KSR1: variants seen among roughly 807,000 people sequenced by gnomAD.
KSR1 encodes kinase suppressor of ras 1, also known as kinase suppressor of ras.
KSR1 carries 35 observed loss-of-function variants against 92.9 expected under a neutral mutation model. The ratio of observed to expected loss-of-function variants is 0.38; its 90% CI spans 0.29 to 0.50. The LOEUF (loss-of-function observed/expected upper bound fraction) is 0.50. KSR1 is among the 20% of genes least tolerant of loss of function. The pLI is 0.94. For missense variants in KSR1, 972 were observed against 1,158.5 expected (o/e 0.84, Z 2.34); for synonymous variants, 467 against 472.6 (o/e 0.99, Z 0.15).
At chr17:27,535,006 T>A (rs965563925) in intron 1 of KSR1, among the ~76,000 whole-genome samples, 1 of 152,226 alleles carries the variant, frequency 6.6e-6, no homozygotes, top group Admixed American at 6.5e-5. Flanking sequence ...GAAAAGCGTG[T>A]GGATGTCCTT....
At chr17:27,498,811 G>T (rs1384763583) in intron 1 of KSR1, among the ~76,000 whole-genome samples, 1 of 152,222 alleles carries the variant, frequency 6.6e-6, no homozygotes, top group Non-Finnish European at 1.5e-5. Flanking sequence ...TGATGCGGTT[G>T]TGTGGGCAGG....
intron 1 of KSR1, among the ~76,000 whole-genome samples, chr17:27,468,209 G>A (rs918389339): frequency 3.3e-5 from 5 of 151,860 alleles, no homozygotes; most frequent in South Asian, 2.1e-4. Context: ...TGATTACCCA[G>A]CTTCAGCAAT....
chr17:27,502,331 C>T (rs988509330), intron 1 of KSR1, among the ~76,000 whole-genome samples: 6 of 152,218 alleles, frequency 3.9e-5, no homozygotes, highest in Admixed American at 2.0e-4. Context: ...CCATCAACAC[C>T]GCAAGAGGAA....
intron 2 of KSR1, among the ~76,000 whole-genome samples, chr17:27,554,506 G>C (rs540725769): frequency 6.6e-6 from 1 of 152,296 alleles, no homozygotes; most frequent in East Asian, 1.9e-4. Context: ...CACAAACCCT[G>C]TTGTGAACTG....
At chr17:27,528,196 A>T (rs2070390160) in intron 1 of KSR1, among the ~76,000 whole-genome samples, 1 of 152,010 alleles carries the variant, frequency 6.6e-6, no homozygotes, top group Non-Finnish European at 1.5e-5. Flanking sequence ...CCTCCTGAGT[A>T]GCTGGGATTA....
intron 1 of KSR1, among the ~76,000 whole-genome samples, chr17:27,493,154 C>T (rs963608636): frequency 2.0e-5 from 3 of 152,166 alleles, no homozygotes; most frequent in Middle Eastern, 3.2e-3. Context: ...CTTTAATCCT[C>T]GTGAAACCCT....
At chr17:27,510,560 C>A (rs1386934510) in intron 1 of KSR1, among the ~76,000 whole-genome samples, 2 of 151,416 alleles carry the variant, frequency 1.3e-5, no homozygotes, top group African/African-American at 4.9e-5. Flanking sequence ...CACCGAAGAG[C>A]TGAGTGGCCT....
intron 1 of KSR1, among the ~76,000 whole-genome samples, chr17:27,471,754 G>A (rs1786091384): frequency 2.0e-5 from 3 of 152,206 alleles, no homozygotes; most frequent in African/African-American, 7.2e-5. Context: ...GTGAATGAGA[G>A]ATGTATTGTG....
intron 1 of KSR1, among the ~76,000 whole-genome samples, chr17:27,486,976 C>T (rs558463021): frequency 1.3e-5 from 2 of 152,294 alleles, no homozygotes; most frequent in South Asian, 4.2e-4. Flanking sequence ...TGCTGAAACA[C>T]ACTGGAGAAT....
chr17:27,483,343 T>C (rs1264804242), intron 1 of KSR1, among the ~76,000 whole-genome samples: 1 of 152,120 alleles, frequency 6.6e-6, no homozygotes, highest in African/African-American at 2.4e-5. Flanking sequence ...ATCCCAGCAC[T>C]TTGGGAGGCC....
At chr17:27,610,219 C>G in intron 17 of KSR1, 21 bp downstream of exon 17, 1 of 1,613,460 alleles carries the variant, frequency 6.2e-7, no homozygotes, top group South Asian at 1.1e-5. Flanking sequence ...CCCTGGTGCC[C>G]TGAGGCCAAG....
intron 6 of KSR1, among the ~76,000 whole-genome samples, chr17:27,590,380 T>C (rs1166232820): frequency 1.3e-5 from 2 of 152,262 alleles, no homozygotes; most frequent in Non-Finnish European, 2.9e-5. Context: ...CATATTTTAG[T>C]CAGCTCCTAT....
At chr17:27,602,247 TA>T (rs1483009373) in intron 11 of KSR1, among the ~76,000 whole-genome samples, 2 of 152,166 alleles carry the variant, frequency 1.3e-5, no homozygotes, top group African/African-American at 2.4e-5. Context: ...GGACCATCCA[TA>T]TGGCGTTGCT....
Position 27,467,825 on chromosome 17 carries a change from T to TC in KSR1, c.231+10951_231+10952insC, listed in dbSNP as rs1285860562. ...GAGTTTATGTTTTGTTTTTTTTTTT[T>TC]TTTGAGACGGAGTCTCGCTCTGTCC... On this transcript the variant is annotated intron_variant, in intron 1 of 20. Coordinates refer to ENST00000644974, the MANE Select transcript of KSR1 (RefSeq NM_001394583.1). Among the ~76,000 whole-genome samples the TC allele has an allele frequency of 1.5e-4, 23 of 151,732 alleles. 1 individual carries two copies. The highest frequency in any genetic ancestry group is 1.4e-3 in the Admixed American group (21 of 15,248).
At chr17:27,506,322 G>A (rs1282667477) in intron 1 of KSR1, among the ~76,000 whole-genome samples, 1 of 152,188 alleles carries the variant, frequency 6.6e-6, no homozygotes, top group Non-Finnish European at 1.5e-5. Context: ...CGTAGCATGG[G>A]AATAATACTA....
intron 16 of KSR1, among the ~76,000 whole-genome samples, 172 bp downstream of exon 16, chr17:27,609,501 C>T (rs772340142): frequency 7.9e-5 from 12 of 152,158 alleles, no homozygotes; most frequent in African/African-American, 2.7e-4. Context: ...ATTTGGGTCG[C>T]GTTTGGATTC....
At chr17:27,542,646 G>T (rs2071007897) in intron 1 of KSR1, among the ~76,000 whole-genome samples, 1 of 152,190 alleles carries the variant, frequency 6.6e-6, no homozygotes, top group Non-Finnish European at 1.5e-5. Flanking sequence ...GTGCAAAAAA[G>T]CCTGGGTGGG....
chr17:27,606,311 C>T (rs1344905897), intron 14 of KSR1, among the ~76,000 whole-genome samples: 2 of 152,198 alleles, frequency 1.3e-5, no homozygotes, highest in African/African-American at 4.8e-5. Flanking sequence ...ATAAAAGGTA[C>T]AGAGTGAAAG....
At chr17:27,607,794 G>A (rs956647611) in intron 14 of KSR1, 120 bp from the exon 15 acceptor site, 17 of 721,568 alleles carry the variant, frequency 2.4e-5, no homozygotes, top group Admixed American at 4.7e-5. Flanking sequence ...GCTCACAGTC[G>A]AGGGGCTGGA....
Sources: gnomAD v4.1 joint callset for allele counts (sites outside exome capture counted in the v4.1 genomes callset) on GRCh38, gnomAD v4.1.1 for gene constraint, MANE v1.5 for transcripts, NCBI Gene and HGNC (gene_info 2026-07-23, HGNC 2026-07-21) for gene names.